The following SRGAP2 variants were observed in gnomAD, a reference collection of about 807,000 sequenced individuals.
The protein encoded by SRGAP2 is SLIT-ROBO Rho GTPase-activating protein 2.
In SRGAP2, 15 loss-of-function variants were observed where a neutral mutation model predicts 57.2. The ratio of observed to expected loss-of-function variants is 0.26; its 90% CI spans 0.18 to 0.40. The LOEUF (loss-of-function observed/expected upper bound fraction) is 0.40, where lower values mean the gene tolerates loss of function less well. Among genes scored for constraint, SRGAP2 ranks in the 10% least tolerant of loss-of-function variants. The pLI, the probability that SRGAP2 is intolerant of heterozygous loss-of-function variation, is 1.00. For synonymous variants in SRGAP2, 249 were observed against 248.0 expected, an observed-to-expected ratio of 1.00 and a Z score of -0.04; for missense variants, 520 against 669.6, an observed-to-expected ratio of 0.78 and a Z score of 2.47.
At chr1:206,268,477 G>A (rs1670013318) in intron 2 of SRGAP2, among the ~76,000 whole-genome samples, 1 of 152,028 alleles carries the variant, frequency 6.6e-6, no homozygotes, top group Non-Finnish European at 1.5e-5. Context: ...TAAGACTAAA[G>A]CATAGGTAAG....
At position 206,297,452 on chromosome 1, in the gene SRGAP2, A is replaced by G. The variant is rs1671652089; in HGVS notation, c.68-5829A>G. On this transcript the variant is annotated intron_variant, in intron 2 of 22. Transcript: ENST00000573034. ...CTTATGTAACATTCTCTGGAAAGGT[A>G]CTAGGAATTAATATTCCTGAGATGG... Among the ~76,000 whole-genome samples, 2 of 80,408 alleles carry G rather than the reference A, an allele frequency of 2.5e-5. 1 individual carries two copies. The highest frequency in any genetic ancestry group is 2.2e-4 in the Admixed American group (2 of 9,140). 52.8% of individuals were successfully genotyped at this position (80,408 alleles called of 152,430 possible).
chr1:206,453,778 A>G (rs1663563102), intron 20 of SRGAP2: 1 of 272,522 alleles, frequency 3.7e-6, no homozygotes, highest in Non-Finnish European at 6.8e-6. Context: ...TTAAACAACT[A>G]TGCTCACCCC....
intron 13 of SRGAP2, among the ~76,000 whole-genome samples, chr1:206,429,491 G>T (rs1206324566): frequency 6.6e-6 from 1 of 152,218 alleles, no homozygotes; most frequent in Admixed American, 6.5e-5. Context: ...CCACACATTG[G>T]AGTCACAGTC....
chr1:206,322,505 G>A (rs1467557783), intron 3 of SRGAP2, among the ~76,000 whole-genome samples: 2 of 150,570 alleles, frequency 1.3e-5, no homozygotes, highest in Admixed American at 1.3e-4. Context: ...GGGTGAACCC[G>A]GGAGGTGGAG....
At chr1:206,326,006 CT>C (rs1553329771) in intron 3 of SRGAP2, among the ~76,000 whole-genome samples, 1 of 151,346 alleles carries the variant, frequency 6.6e-6, no homozygotes, top group African/African-American at 2.4e-5. Flanking sequence ...ATGAACCTGG[CT>C]GTTGAAGGCT....
At chr1:206,344,837 C>T (rs1443823915) in intron 4 of SRGAP2, among the ~76,000 whole-genome samples, 1 of 151,702 alleles carries the variant, frequency 6.6e-6, no homozygotes, top group African/African-American at 2.4e-5. Context: ...GGCATGTATA[C>T]AAGGTGTGGG....
intron 22 of SRGAP2, among the ~76,000 whole-genome samples, chr1:206,460,229 A>T (rs1664150080): frequency 6.6e-6 from 1 of 152,208 alleles, no homozygotes; most frequent in Non-Finnish European, 1.5e-5. Flanking sequence ...ACACAGGTTT[A>T]TGGGGAGGGA....
intron 2 of SRGAP2, among the ~76,000 whole-genome samples, chr1:206,222,753 G>A (rs1463878617): frequency 2.0e-5 from 3 of 151,988 alleles, no homozygotes; most frequent in South Asian, 2.1e-4. Flanking sequence ...CATCTTACTC[G>A]GGAAGATATA....
At chr1:206,278,336 C>T (rs1355095301) in intron 2 of SRGAP2, among the ~76,000 whole-genome samples, 1 of 146,902 alleles carries the variant, frequency 6.8e-6, no homozygotes, top group African/African-American at 2.5e-5. Context: ...TTTCTTCTTT[C>T]TTCTACTTTT....
intron 17 of SRGAP2, among the ~76,000 whole-genome samples, chr1:206,441,679 T>G (rs1229954194): frequency 1.3e-5 from 2 of 152,244 alleles, no homozygotes; most frequent in Non-Finnish European, 2.9e-5. Flanking sequence ...ATTTCACTTT[T>G]TAAAAACCTA....
chr1:206,231,185 A>T (rs1165771221), intron 2 of SRGAP2, among the ~76,000 whole-genome samples: 1 of 151,522 alleles, frequency 6.6e-6, no homozygotes, highest in Non-Finnish European at 1.5e-5. Context: ...ACAGCTGGGT[A>T]CAAAACCACC....
chr1:206,432,474 G>T (rs1476939594), intron 14 of SRGAP2, among the ~76,000 whole-genome samples: 1 of 152,156 alleles, frequency 6.6e-6, no homozygotes, highest in Non-Finnish European at 1.5e-5. Flanking sequence ...ATGCGCACAA[G>T]GTTATTTGTG....
At chr1:206,236,300 A>G (rs1197143148) in intron 2 of SRGAP2, among the ~76,000 whole-genome samples, 13 of 152,184 alleles carry the variant, frequency 8.5e-5, no homozygotes, top group African/African-American at 2.7e-4. Context: ...GAAGTCCAGC[A>G]TTCTAGGCGA....
At chr1:206,358,642 T>C (rs1340932533) in intron 4 of SRGAP2, among the ~76,000 whole-genome samples, 1 of 151,150 alleles carries the variant, frequency 6.6e-6, no homozygotes, top group Non-Finnish European at 1.5e-5. Context: ...CAGTGGTCTT[T>C]CTGGACCTTT....
intron 2 of SRGAP2, among the ~76,000 whole-genome samples, chr1:206,283,530 C>T (rs1346143027): frequency 4.7e-5 from 7 of 149,046 alleles, no homozygotes; most frequent in Non-Finnish European, 9.0e-5. Flanking sequence ...AAAAATTAGC[C>T]GGGCATGGTG....
intron 4 of SRGAP2, among the ~76,000 whole-genome samples, chr1:206,347,677 G>A (rs1345914930): frequency 1.3e-5 from 2 of 151,048 alleles, no homozygotes; most frequent in Non-Finnish European, 2.9e-5. Flanking sequence ...TCTACATACT[G>A]TATTAGGATT....
rs1408468637 is a variant in SRGAP2, at chr1:206,462,182, C to T, written c.*762C>T. 6.6e-6 allele frequency: 1 copy of T among 152,606 alleles called. No individual in the cohort carries two copies. The highest frequency in any genetic ancestry group is 2.4e-5 in the African/African-American group (1 of 41,442). 9.5% of individuals were successfully genotyped at this position (152,606 alleles called of 1,614,324 possible). A position where few individuals can be genotyped will look rare whatever the true frequency, so the allele number is the denominator to read the frequency against. ...GTTCTTTCCATTGATGTGAATTGGTCATTGGTGTTTGCTCTTGCCTCTCCT... is the reference window on the plus strand; with the variant it reads ...GTTCTTTCCATTGATGTGAATTGGTTATTGGTGTTTGCTCTTGCCTCTCCT... On this transcript the variant is annotated 3_prime_UTR_variant, in exon 23 of 23. Transcript: ENST00000573034.
At chr1:206,361,391 T>C (rs1553340574) in intron 4 of SRGAP2, among the ~76,000 whole-genome samples, 1 of 152,168 alleles carries the variant, frequency 6.6e-6, no homozygotes, top group African/African-American at 2.4e-5. Context: ...ACACAAGAAT[T>C]TGACTTTCCC....
At chr1:206,303,882 TCTCTCTCACA>T (rs1260436830) in intron 3 of SRGAP2, among the ~76,000 whole-genome samples, 15 of 137,568 alleles carry the variant, frequency 1.1e-4, no homozygotes, top group South Asian at 2.4e-4. Context: ...TCTCTCTCTC[TCTCTCTCACA>T]CACACACACA....
Sources: gnomAD v4.1 joint callset for allele counts (sites outside exome capture counted in the v4.1 genomes callset) on GRCh38, gnomAD v4.1.1 for gene constraint, MANE v1.5 for transcripts, NCBI Gene and HGNC (gene_info 2026-07-23, HGNC 2026-07-21) for gene names.